Variants in SETBP1 observed in about 807,000 individuals in gnomAD.
SETBP1 encodes the protein SET-binding protein.
SETBP1 carries 9 observed loss-of-function variants against 101.0 expected under a neutral mutation model. The observed-to-expected ratio is 0.09, with a 90% CI of 0.05 to 0.16. The LOEUF is 0.16. Among genes scored for constraint, SETBP1 ranks in the 10% least tolerant of loss-of-function variants. The pLI, the probability that SETBP1 is intolerant of heterozygous loss-of-function variation, is 1.00. For synonymous variants in SETBP1, 818 were observed against 788.5 expected (o/e 1.04, Z -0.63); for missense variants, 1,858 against 2,033.8 (o/e 0.91, Z 1.66).
intron 3 of SETBP1, among the ~76,000 whole-genome samples, chr18:44,930,379 A>G (rs2070802182): frequency 6.6e-6 from 1 of 151,980 alleles, no homozygotes; most frequent in African/African-American, 2.4e-5. Flanking sequence ...TTCATCAGGG[A>G]TATTGGTCTA....
At chr18:44,810,631 T>C (rs527819602) in intron 2 of SETBP1, among the ~76,000 whole-genome samples, 110 of 152,308 alleles carry the variant, frequency 7.2e-4, no homozygotes, top group Non-Finnish European at 1.3e-3. Flanking sequence ...AATTGTAATA[T>C]CTTTTGTTCC....
chr18:44,744,761 C>T (rs1341551628), intron 2 of SETBP1, among the ~76,000 whole-genome samples: 2 of 141,790 alleles, frequency 1.4e-5, no homozygotes, highest in East Asian at 2.0e-4. Context: ...ATCGTCCAAC[C>T]CTCCTCTTAA....
intron 2 of SETBP1, among the ~76,000 whole-genome samples, chr18:44,748,833 G>A (rs529680018): frequency 3.4e-4 from 51 of 152,178 alleles, no homozygotes; most frequent in Non-Finnish European, 6.0e-4. Flanking sequence ...ATCATGCAAC[G>A]AGACATATTT....
At chr18:45,025,338 C>T (rs187472783) in intron 4 of SETBP1, among the ~76,000 whole-genome samples, 5 of 152,226 alleles carry the variant, frequency 3.3e-5, no homozygotes, top group Admixed American at 3.3e-4. Flanking sequence ...ATCATTCTGC[C>T]GAAATAAGCA....
intron 2 of SETBP1, among the ~76,000 whole-genome samples, chr18:44,764,718 T>C (rs2144604923): frequency 6.6e-6 from 1 of 152,298 alleles, no homozygotes; most frequent in East Asian, 1.9e-4. Context: ...GTGATCTGAC[T>C]GCCTTGGCCT....
At position 45,065,250 on chromosome 18, in the gene SETBP1, A is replaced by G. The variant is rs1034131592; in HGVS notation, c.*1552A>G. 6.6e-6 allele frequency: 1 copy of G among 152,224 alleles called. No individual in the cohort carries two copies. Among genetic ancestry groups the G allele is most frequent in the Non-Finnish European group, 1.5e-5 (1 of 68,038 alleles). 9.4% of individuals were successfully genotyped at this position (152,224 alleles called of 1,614,324 possible). A position where few individuals can be genotyped will look rare whatever the true frequency, so the allele number is the denominator to read the frequency against. On this transcript the variant is annotated 3_prime_UTR_variant, in exon 6 of 6. Coordinates refer to ENST00000649279, the MANE Select transcript of SETBP1 (RefSeq NM_015559.3). ...TCCATTTCCGTAGATGTTTTCTAAAAGTCAGATTGTGGAAATTTCAAATAA... is the reference window on the plus strand; with the variant it reads ...TCCATTTCCGTAGATGTTTTCTAAAGGTCAGATTGTGGAAATTTCAAATAA...
chr18:45,047,417 A>C (rs1350438568), intron 5 of SETBP1, among the ~76,000 whole-genome samples: 1 of 152,224 alleles, frequency 6.6e-6, no homozygotes, highest in Non-Finnish European at 1.5e-5. Context: ...TTTTGAGATG[A>C]AAGTGTGGTG....
intron 2 of SETBP1, among the ~76,000 whole-genome samples, chr18:44,718,698 G>A (rs537482384): frequency 5.3e-5 from 8 of 152,242 alleles, no homozygotes; most frequent in South Asian, 2.1e-4. Context: ...GTGGGGTACC[G>A]TTGTCTATTT....
chr18:45,048,285 C>T lies in SETBP1; in HGVS notation c.4171+9630C>T, dbSNP rs570529305. On this transcript the variant is annotated intron_variant, in intron 5 of 5. Transcript: ENST00000649279. ...ATGAAATGAGAAAAGTGATTTCTGC[C>T]TTCTAGGCAGGAGCAAGAAAGAAAT... 2.2e-3 allele frequency among the ~76,000 whole-genome samples: 334 copies of T among 152,266 alleles called. 1 individual carries two copies. Among genetic ancestry groups the T allele is most frequent in the Non-Finnish European group, 3.0e-3 (202 of 68,030 alleles).
chr18:45,031,272 A>T lies in SETBP1; in HGVS notation c.4001-7213A>T, dbSNP rs376999264. Among the ~76,000 whole-genome samples, 6 of 152,266 alleles carry T rather than the reference A, an allele frequency of 3.9e-5. No homozygotes were observed. The East Asian group carries it at 7.7e-4, about 20-fold the overall frequency. On this transcript the variant is annotated intron_variant, in intron 4 of 5. Transcript: ENST00000649279. ...ACTTGTTCTATCTTAAGGTCAGCTG[A>T]TTAGCAGCATTAATTTTTATTTGCA...
At chr18:44,723,584 G>A (rs756568783) in intron 2 of SETBP1, among the ~76,000 whole-genome samples, 7 of 152,186 alleles carry the variant, frequency 4.6e-5, no homozygotes, top group Admixed American at 6.5e-5. Flanking sequence ...TGCTGTGGCC[G>A]GTCATTGCCA....
At chr18:44,684,328 C>G (rs772496876) in intron 1 of SETBP1, among the ~76,000 whole-genome samples, 1 of 152,282 alleles carries the variant, frequency 6.6e-6, no homozygotes, top group Non-Finnish European at 1.5e-5. Context: ...AAAGAAAACA[C>G]CAGGATGTCC....
intron 3 of SETBP1, among the ~76,000 whole-genome samples, chr18:44,922,586 T>G (rs1282826082): frequency 6.6e-6 from 1 of 152,206 alleles, no homozygotes; most frequent in Non-Finnish European, 1.5e-5. Context: ...TCAGTGGGGT[T>G]AGAATCTTAG....
intron 2 of SETBP1, among the ~76,000 whole-genome samples, chr18:44,718,450 A>G (rs1375798578): frequency 6.6e-6 from 1 of 151,626 alleles, no homozygotes; most frequent in Non-Finnish European, 1.5e-5. Flanking sequence ...GGCTCTACTG[A>G]GTCTGAGAAA....
intron 4 of SETBP1, among the ~76,000 whole-genome samples, chr18:45,027,630 G>A (rs1021055521): frequency 6.6e-6 from 1 of 152,182 alleles, no homozygotes; most frequent in Admixed American, 6.5e-5. Context: ...TTTAAAATGA[G>A]CCAATCACTA....
At chr18:44,837,462 GT>G (rs2072522404) in intron 2 of SETBP1, among the ~76,000 whole-genome samples, 1 of 152,156 alleles carries the variant, frequency 6.6e-6, no homozygotes, top group African/African-American at 2.4e-5. Context: ...TAATGAAATC[GT>G]TTTTATTTGA....
chr18:44,881,846 T>C (rs2069537119), intron 3 of SETBP1, among the ~76,000 whole-genome samples: 1 of 152,216 alleles, frequency 6.6e-6, no homozygotes, highest in Non-Finnish European at 1.5e-5. Flanking sequence ...CTAGTAAATG[T>C]GACAGTCTCC....
At chr18:44,743,427 T>G (rs2070144224) in intron 2 of SETBP1, among the ~76,000 whole-genome samples, 1 of 152,188 alleles carries the variant, frequency 6.6e-6, no homozygotes, top group African/African-American at 2.4e-5. Flanking sequence ...ATGAACTGAA[T>G]CGAAAGTAGA....
chr18:44,777,700 C>T (rs16978163), intron 2 of SETBP1, among the ~76,000 whole-genome samples: 1 of 152,128 alleles, frequency 6.6e-6, no homozygotes, highest in Non-Finnish European at 1.5e-5. Context: ...TTGCTCTGGG[C>T]TCCGTATCAG....
Sources: gnomAD v4.1 joint callset for allele counts (sites outside exome capture counted in the v4.1 genomes callset) on GRCh38, gnomAD v4.1.1 for gene constraint, MANE v1.5 for transcripts, NCBI Gene and HGNC (gene_info 2026-07-23, HGNC 2026-07-21) for gene names.